The following ST6GALNAC5 variants were observed in gnomAD, a reference collection of about 807,000 sequenced individuals.
ST6GALNAC5 encodes the protein ST6 N-acetylgalactosaminide alpha-2,6-sialyltransferase 5.
Under a neutral mutation model 33.6 loss-of-function variants are expected in ST6GALNAC5, and 27 were observed. The observed-to-expected ratio is 0.80, with a 90% CI of 0.59 to 1.11. The LOEUF is 1.11. ST6GALNAC5 is among the 50% of genes least tolerant of loss of function. The probability of loss-of-function intolerance (pLI) is 0.00; values close to 1 mark genes in which losing one functional copy is unlikely to be tolerated. For synonymous variants in ST6GALNAC5, 194 were observed against 171.2 expected (o/e 1.13, Z -1.04); for missense variants, 428 against 454.0 (o/e 0.94, Z 0.52).
intron 2 of ST6GALNAC5, among the ~76,000 whole-genome samples, chr1:76,884,404 C>T (rs752992316): frequency 6.6e-6 from 1 of 152,084 alleles, no homozygotes; most frequent in Non-Finnish European, 1.5e-5. Context: ...AGCTGTTTGT[C>T]GAGACTCCAT....
At chr1:76,949,158 G>A (rs919001433) in intron 2 of ST6GALNAC5, among the ~76,000 whole-genome samples, 1 of 152,146 alleles carries the variant, frequency 6.6e-6, no homozygotes, top group Non-Finnish European at 1.5e-5. Flanking sequence ...TACCAGTTGT[G>A]TACTGCTCTA....
intron 2 of ST6GALNAC5, among the ~76,000 whole-genome samples, chr1:76,923,165 A>G (rs1647050646): frequency 6.6e-6 from 1 of 152,036 alleles, no homozygotes; most frequent in South Asian, 2.1e-4. Context: ...AGATGTTACA[A>G]TTGGGGAATA....
intron 2 of ST6GALNAC5, among the ~76,000 whole-genome samples, chr1:76,914,101 A>G (rs978581469): frequency 6.6e-6 from 1 of 152,214 alleles, no homozygotes; most frequent in Non-Finnish European, 1.5e-5. Flanking sequence ...TGCTTCAAAG[A>G]GAATAAAATA....
At chr1:76,941,089 C>T (rs962214912) in intron 2 of ST6GALNAC5, among the ~76,000 whole-genome samples, 4 of 152,028 alleles carry the variant, frequency 2.6e-5, no homozygotes, top group African/African-American at 9.7e-5. Context: ...GGCTTGGAGA[C>T]AAGATGTAGC....
Position 77,008,056 on chromosome 1 carries a change from A to G in ST6GALNAC5, c.262-36148A>G, listed in dbSNP as rs148813263. ...TCCTATGGGAGTAGACCAGCATTCTATATTTTTAAAGTAGCACTAGTTTGT... is the reference window on the plus strand; with the variant it reads ...TCCTATGGGAGTAGACCAGCATTCTGTATTTTTAAAGTAGCACTAGTTTGT... On this transcript the variant is annotated intron_variant, in intron 2 of 4. Transcript: ENST00000477717. Among the ~76,000 whole-genome samples, 179 of 152,316 alleles carry G rather than the reference A, an allele frequency of 1.2e-3. 3 individuals are homozygous for G. Among genetic ancestry groups the G allele is most frequent in the African/African-American group, 3.7e-3 (154 of 41,562 alleles).
intron 2 of ST6GALNAC5, among the ~76,000 whole-genome samples, chr1:76,890,072 A>G (rs748313643): frequency 1.3e-5 from 2 of 152,032 alleles, no homozygotes; most frequent in African/African-American, 2.4e-5. Flanking sequence ...TATCTTTGGG[A>G]ATTCTTCATG....
intron 2 of ST6GALNAC5, among the ~76,000 whole-genome samples, chr1:77,001,100 G>A (rs1269161313): frequency 1.3e-5 from 2 of 151,894 alleles, no homozygotes; most frequent in Non-Finnish European, 2.9e-5. Flanking sequence ...TCATGTTCAC[G>A]ATATTGATTC....
At chr1:76,942,248 G>A (rs1437085827) in intron 2 of ST6GALNAC5, among the ~76,000 whole-genome samples, 4 of 152,018 alleles carry the variant, frequency 2.6e-5, no homozygotes, top group Admixed American at 2.0e-4. Context: ...TTCAGAACCA[G>A]CCATTTTGGC....
At chr1:76,988,117 T>A (rs1354862248) in intron 2 of ST6GALNAC5, among the ~76,000 whole-genome samples, 2 of 152,170 alleles carry the variant, frequency 1.3e-5, no homozygotes, top group Non-Finnish European at 2.9e-5. Context: ...TTGAAAGCTT[T>A]GTCATCAAGC....
At chr1:76,873,369 A>C (rs1653554030) in intron 2 of ST6GALNAC5, among the ~76,000 whole-genome samples, 1 of 152,152 alleles carries the variant, frequency 6.6e-6, no homozygotes, top group Non-Finnish European at 1.5e-5. Flanking sequence ...TTATTTGTCT[A>C]TTTTCTGCCC....
intron 2 of ST6GALNAC5, among the ~76,000 whole-genome samples, chr1:76,928,411 A>G (rs1219383298): frequency 6.6e-6 from 1 of 152,136 alleles, no homozygotes; most frequent in Non-Finnish European, 1.5e-5. Context: ...TATTTGTGCC[A>G]TATCAGCTGT....
chr1:76,983,161 A>G lies in ST6GALNAC5; in HGVS notation c.262-61043A>G, dbSNP rs180967254. 2.0e-5 allele frequency among the ~76,000 whole-genome samples: 3 copies of G among 152,290 alleles called. No individual in the cohort carries two copies. In the East Asian group the frequency reaches 5.8e-4, roughly 29 times the overall value. On this transcript the variant is annotated intron_variant, in intron 2 of 4. Transcript: ENST00000477717. The stretch of plus-strand genomic sequence containing the variant: ...GACAGGATCAAATTCACACATAACA[A>G]TAATAACTTTAAATGTAAATGGGCT...
intron 2 of ST6GALNAC5, among the ~76,000 whole-genome samples, chr1:77,031,197 G>A (rs927824481): frequency 6.6e-6 from 1 of 152,172 alleles, no homozygotes; most frequent in African/African-American, 2.4e-5. Context: ...CGGTGCCTTT[G>A]TCAATAATCC....
intron 2 of ST6GALNAC5, among the ~76,000 whole-genome samples, chr1:76,967,136 C>T (rs528383035): frequency 6.6e-5 from 10 of 152,308 alleles, no homozygotes; most frequent in Admixed American, 2.6e-4. Context: ...AGGATTCCCT[C>T]TTTTTCTATT....
intron 4 of ST6GALNAC5, among the ~76,000 whole-genome samples, chr1:77,056,100 C>T (rs1570145596): frequency 6.6e-6 from 1 of 152,160 alleles, no homozygotes; most frequent in Admixed American, 6.5e-5. Flanking sequence ...CCTGTATCAC[C>T]AGACTTCAGG....
intron 2 of ST6GALNAC5, among the ~76,000 whole-genome samples, chr1:76,901,448 A>C (rs1646816867): frequency 3.9e-5 from 6 of 152,312 alleles, no homozygotes; most frequent in Admixed American, 3.9e-4. Flanking sequence ...CATTCAAGTC[A>C]GGCTGTGGTG....
chr1:76,928,715 G>A (rs1441950755), intron 2 of ST6GALNAC5, among the ~76,000 whole-genome samples: 1 of 152,080 alleles, frequency 6.6e-6, no homozygotes, highest in Non-Finnish European at 1.5e-5. Context: ...TTGCTCTTTA[G>A]AATGTGGCTT....
At chr1:77,028,653 G>T (rs973899723) in intron 2 of ST6GALNAC5, among the ~76,000 whole-genome samples, 1 of 152,216 alleles carries the variant, frequency 6.6e-6, no homozygotes, top group Non-Finnish European at 1.5e-5. Context: ...AGAAATAACT[G>T]CAGTGAGTAG....
chr1:77,032,884 G>A (rs562193324), intron 2 of ST6GALNAC5, among the ~76,000 whole-genome samples: 8 of 152,158 alleles, frequency 5.3e-5, no homozygotes, highest in South Asian at 4.2e-4. Flanking sequence ...TCCAGATTTC[G>A]AGCCATGCTA....
Sources: allele counts gnomAD v4.1 joint callset (sites outside exome capture counted in the v4.1 genomes callset), GRCh38; gene constraint gnomAD v4.1.1; transcripts MANE v1.5; gene names NCBI Gene and HGNC (gene_info 2026-07-23, HGNC 2026-07-21).